Variants in STXBP5L observed in about 807,000 individuals in gnomAD.
STXBP5L encodes the protein syntaxin binding protein 5L, also known as syntaxin-binding protein 5-like.
STXBP5L carries 65 observed loss-of-function variants against 144.5 expected under a neutral mutation model. The ratio of observed to expected loss-of-function variants is 0.45; its 90% CI spans 0.37 to 0.55. The LOEUF is 0.55. STXBP5L is among the 20% of genes least tolerant of loss of function. The probability of loss-of-function intolerance (pLI) is 0.00; values close to 1 mark genes in which losing one functional copy is unlikely to be tolerated. For synonymous variants in STXBP5L, 505 were observed against 469.6 expected (o/e 1.08, Z -0.97); for missense variants, 1,298 against 1,405.5 (o/e 0.92, Z 1.22).
Position 121,244,225 on chromosome 3 carries a change from T to TA in STXBP5L, c.1400+3727dup, listed in dbSNP as rs200974294. 7.1e-3 allele frequency among the ~76,000 whole-genome samples: 1,070 copies of TA among 150,296 alleles called. 12 individuals carry two copies. Among genetic ancestry groups the TA allele is most frequent in the Non-Finnish European group, 0.01 (692 of 67,442 alleles). ...GAATATCAACAGAGTTTGAAATTAT[T>TA]AAAAAAAAACAATTCTAGATCTGAA... On this transcript the variant is annotated intron_variant, in intron 14 of 26. Transcript: ENST00000471454.
At chr3:120,984,858 G>C (rs1339934194) in intron 3 of STXBP5L, among the ~76,000 whole-genome samples, 1 of 151,550 alleles carries the variant, frequency 6.6e-6, no homozygotes, top group Non-Finnish European at 1.5e-5. Flanking sequence ...TATTTGTTGA[G>C]AGTTTTTATT....
intron 3 of STXBP5L, among the ~76,000 whole-genome samples, chr3:120,984,632 CTTTTTTTTT>C (rs35656223): frequency 1.4e-5 from 1 of 71,964 alleles, no homozygotes; most frequent in South Asian, 5.0e-4. Context: ...TCTTTCTTTC[CTTTTTTTTT>C]TTTTTTTTTT....
chr3:121,207,025 T>C (rs1014215928), intron 10 of STXBP5L, among the ~76,000 whole-genome samples: 7 of 152,170 alleles, frequency 4.6e-5, no homozygotes, highest in Admixed American at 3.9e-4. Flanking sequence ...ACTGAATGTT[T>C]GTTTATAACT....
intron 7 of STXBP5L, among the ~76,000 whole-genome samples, chr3:121,135,743 T>A (rs963502757): frequency 6.6e-6 from 1 of 152,194 alleles, no homozygotes; most frequent in African/African-American, 2.4e-5. Flanking sequence ...CTGTGTGGTC[T>A]GGTTCCTAAC....
intron 20 of STXBP5L, among the ~76,000 whole-genome samples, chr3:121,322,714 C>T (rs563312753): frequency 6.6e-6 from 1 of 151,776 alleles, no homozygotes; most frequent in African/African-American, 2.4e-5. Context: ...GGATATATGC[C>T]CAGTAATGGG....
At chr3:121,112,503 A>G (rs2044033502) in intron 5 of STXBP5L, among the ~76,000 whole-genome samples, 1 of 149,124 alleles carries the variant, frequency 6.7e-6, no homozygotes, top group Non-Finnish European at 1.5e-5. Context: ...GAATTTGGAT[A>G]CCTCAGTTGC....
intron 23 of STXBP5L, among the ~76,000 whole-genome samples, chr3:121,410,519 G>T (rs1036435342): frequency 2.0e-5 from 3 of 151,938 alleles, no homozygotes; most frequent in Non-Finnish European, 4.4e-5. Flanking sequence ...TTCCCATACT[G>T]AGTATATTCC....
At chr3:121,044,408 A>G (rs937645717) in intron 4 of STXBP5L, among the ~76,000 whole-genome samples, 2 of 152,178 alleles carry the variant, frequency 1.3e-5, no homozygotes, top group Non-Finnish European at 2.9e-5. Flanking sequence ...GAAGAAATAA[A>G]TGCTAGCAAT....
chr3:120,993,343 TG>T (rs1184834879), intron 3 of STXBP5L, among the ~76,000 whole-genome samples: 4 of 152,106 alleles, frequency 2.6e-5, no homozygotes, highest in South Asian at 4.1e-4. Context: ...TTTTTGTTTT[TG>T]TTGCGTATGC....
chr3:120,920,959 A>T (rs1709332159), intron 2 of STXBP5L, among the ~76,000 whole-genome samples: 3 of 151,892 alleles, frequency 2.0e-5, no homozygotes, highest in Non-Finnish European at 1.5e-5. Context: ...AACAGTGCCA[A>T]TATCTCTTTG....
At chr3:121,108,963 T>C (rs986486426) in intron 5 of STXBP5L, among the ~76,000 whole-genome samples, 3 of 152,192 alleles carry the variant, frequency 2.0e-5, no homozygotes, top group Non-Finnish European at 4.4e-5. Context: ...TGTTCAGGAA[T>C]TTATCCATTT....
intron 13 of STXBP5L, among the ~76,000 whole-genome samples, chr3:121,239,822 G>A (rs1045968203): frequency 5.3e-5 from 8 of 150,848 alleles, no homozygotes; most frequent in South Asian, 2.1e-4. Context: ...ACTAACCTGC[G>A]CATTGTGCAC....
At chr3:121,248,729 T>C (rs1042066529) in intron 14 of STXBP5L, among the ~76,000 whole-genome samples, 4 of 152,210 alleles carry the variant, frequency 2.6e-5, no homozygotes, top group African/African-American at 9.7e-5. Context: ...AAGGCTGATA[T>C]CAAGAAGAGT....
intron 3 of STXBP5L, among the ~76,000 whole-genome samples, chr3:120,983,635 G>A (rs1442471497): frequency 6.6e-6 from 1 of 152,062 alleles, no homozygotes; most frequent in Non-Finnish European, 1.5e-5. Context: ...TGGAGGCCTG[G>A]GAGGACTGAG....
chr3:121,146,588 G>T (rs116205065), intron 7 of STXBP5L, among the ~76,000 whole-genome samples: 5 of 151,914 alleles, frequency 3.3e-5, no homozygotes, highest in Non-Finnish European at 7.4e-5. Flanking sequence ...ACAATATGCT[G>T]TTACAAGAGA....
chr3:121,328,445 G>T (rs983756265), intron 20 of STXBP5L, among the ~76,000 whole-genome samples: 13 of 152,106 alleles, frequency 8.5e-5, no homozygotes, highest in Non-Finnish European at 1.5e-4. Context: ...GCTCATTTGT[G>T]TTCTTAAAAA....
chr3:121,156,495 T>A (rs1360502170), intron 8 of STXBP5L, among the ~76,000 whole-genome samples: 1 of 151,992 alleles, frequency 6.6e-6, no homozygotes, highest in African/African-American at 2.4e-5. Flanking sequence ...AAGTTCTGTA[T>A]GTACTTTATT....
At chr3:121,117,314 T>C (rs1198980846) in intron 6 of STXBP5L, among the ~76,000 whole-genome samples, 1 of 151,896 alleles carries the variant, frequency 6.6e-6, no homozygotes, top group African/African-American at 2.4e-5. Flanking sequence ...GAAAATGTTC[T>C]TGAAATATCT....
At chr3:121,400,519 C>A (rs1271188241) in intron 22 of STXBP5L, among the ~76,000 whole-genome samples, 2 of 152,134 alleles carry the variant, frequency 1.3e-5, no homozygotes, top group Admixed American at 6.5e-5. Flanking sequence ...AGTCACCCCT[C>A]TTCTATGGTT....
Sources: gnomAD v4.1 joint callset for allele counts (sites outside exome capture counted in the v4.1 genomes callset) on GRCh38, gnomAD v4.1.1 for gene constraint, MANE v1.5 for transcripts, NCBI Gene and HGNC (gene_info 2026-07-23, HGNC 2026-07-21) for gene names.